Variants in PAX8 observed in about 807,000 individuals in gnomAD.
PAX8 encodes paired box protein Pax-8.
In PAX8, 15 loss-of-function variants were observed where a neutral mutation model predicts 52.4. The observed-to-expected ratio is 0.29, with a 90% CI of 0.19 to 0.44. The LOEUF (loss-of-function observed/expected upper bound fraction) is 0.44, where lower values mean the gene tolerates loss of function less well. PAX8 is among the 20% of genes least tolerant of loss of function. The pLI is 1.00. For missense variants in PAX8, 554 were observed against 602.5 expected, an observed-to-expected ratio of 0.92 and a Z score of 0.84; for synonymous variants, 284 against 249.7, an observed-to-expected ratio of 1.14 and a Z score of -1.29.
intron 2 of PAX8, among the ~76,000 whole-genome samples, chr2:113,264,500 C>G (rs528905770): frequency 6.6e-6 from 1 of 152,266 alleles, no homozygotes; most frequent in African/African-American, 2.4e-5. Flanking sequence ...TTGCATCAAC[C>G]AAGGAAGCAA....
intron 7 of PAX8, chr2:113,240,730 CTCAT>C (rs1216392737): frequency 2.6e-5 from 4 of 152,584 alleles, no homozygotes; most frequent in African/African-American, 9.7e-5. Context: ...GATTTCTCAA[CTCAT>C]TCATTTGTTC....
At chr2:113,276,977 G>T (rs879899285) in intron 2 of PAX8, among the ~76,000 whole-genome samples, 1 of 152,176 alleles carries the variant, frequency 6.6e-6, no homozygotes, top group Non-Finnish European at 1.5e-5. Flanking sequence ...AAAGATTAAG[G>T]GACTAAAACC....
rs1488059093 is a variant in PAX8 at position 113,242,768 on chromosome 2, T to C, written c.400A>G (p.Thr134Ala). 6.2e-7 allele frequency: 1 copy of C among 1,613,354 alleles called. No homozygotes were observed. The highest frequency in any genetic ancestry group is 8.5e-7 in the Non-Finnish European group (1 of 1,179,446). Residue 134 changes from threonine (T) to alanine (A), a missense_variant, in exon 5 of 12, where the codon ACC becomes GCC. Around this residue, in one of 2 missense-constraint regions of PAX8, gnomAD observed 109 missense variants for 192.7 expected, o/e 0.57. Transcript: ENST00000429538. ...SVSSINRIIR[T>A]KVQQPFNLPM... is the part of the protein sequence containing the mutation. ...AGGTTGAATGGTTGCTGCACTTTGG[T>C]CCGGATGATTCTGTGATGAAGAGAA...
At chr2:113,226,644 A>G (rs1689591801) in intron 10 of PAX8, 4 of 1,097,292 alleles carry the variant, frequency 3.6e-6, no homozygotes, top group South Asian at 2.7e-5. Flanking sequence ...TGTGAAGCAT[A>G]TATTTCATCA....
At chr2:113,261,278 C>T (rs767417771) in intron 2 of PAX8, among the ~76,000 whole-genome samples, 2 of 152,176 alleles carry the variant, frequency 1.3e-5, no homozygotes, top group Non-Finnish European at 2.9e-5. Flanking sequence ...GTTTTTTCAT[C>T]TGGCTTGACA....
chr2:113,245,466 C>G (rs1390737082), intron 3 of PAX8, among the ~76,000 whole-genome samples: 1 of 152,162 alleles, frequency 6.6e-6, no homozygotes, highest in Non-Finnish European at 1.5e-5. Context: ...TATCCCTCAC[C>G]CCCCTGGTCA....
intron 2 of PAX8, among the ~76,000 whole-genome samples, chr2:113,264,170 C>G (rs1286147382): frequency 6.6e-6 from 1 of 152,158 alleles, no homozygotes. Context: ...TAGGAAGGTC[C>G]CTTGTTGGTT....
intron 2 of PAX8, chr2:113,263,211 G>T (rs1358691270): frequency 1.3e-5 from 2 of 152,112 alleles, no homozygotes; most frequent in African/African-American, 4.8e-5. Context: ...TCATCATCTT[G>T]TTCTCCATTT....
At chr2:113,264,421 A>G (rs1053006358) in intron 2 of PAX8, among the ~76,000 whole-genome samples, 1 of 152,258 alleles carries the variant, frequency 6.6e-6, no homozygotes, top group African/African-American at 2.4e-5. Context: ...TAATATAGCA[A>G]TATCATGGGA....
chr2:113,235,648 G>T, intron 8 of PAX8, 66 bp from the exon 9 acceptor site: 1 of 1,365,558 alleles, frequency 7.3e-7, no homozygotes, highest in Non-Finnish European at 1.0e-6. Flanking sequence ...ACACGCACAA[G>T]CCAAGCCGTG....
intron 11 of PAX8, 112 bp downstream of exon 11, chr2:113,219,980 C>G (rs1239798825): frequency 4.2e-6 from 3 of 714,318 alleles, no homozygotes; most frequent in Non-Finnish European, 7.4e-6. Flanking sequence ...TCTCCCAGGC[C>G]CTCTGTATAA....
chr2:113,257,604 G>A (rs916865294), intron 2 of PAX8, among the ~76,000 whole-genome samples: 12 of 152,186 alleles, frequency 7.9e-5, no homozygotes, highest in Non-Finnish European at 1.6e-4. Flanking sequence ...AGGGGAGGGA[G>A]ATAGAGGATG....
At position 113,278,827 on chromosome 2, in the gene PAX8, A is replaced by C; in HGVS notation, c.-76+4T>G. On this transcript the variant is annotated splice_donor_region_variant and intron_variant, in intron 1 of 11. Coordinates refer to ENST00000429538, the MANE Select transcript of PAX8 (RefSeq NM_003466.4). ...AGCTTCCAGCTAACCCCTGGGTGAC[A>C]TACCTGGCCGGCCGGCTGCAGGCCC... is the stretch of plus-strand genomic sequence containing the variant. 9.4e-7 allele frequency: 1 copy of C among 1,069,390 alleles called. No homozygotes were observed. The highest frequency in any genetic ancestry group is 5.1e-5 in the Admixed American group (1 of 19,672). 66.2% of individuals were successfully genotyped at this position (1,069,390 alleles called of 1,614,324 possible).
chr2:113,232,549 T>C (rs1463661089), intron 9 of PAX8, among the ~76,000 whole-genome samples: 1 of 152,240 alleles, frequency 6.6e-6, no homozygotes, highest in Non-Finnish European at 1.5e-5. Context: ...ACCTGGTGTC[T>C]GCTGCCAGCT....
At chr2:113,278,115 G>A (rs1002029122) in intron 2 of PAX8, among the ~76,000 whole-genome samples, 1 of 152,220 alleles carries the variant, frequency 6.6e-6, no homozygotes, top group African/African-American at 2.4e-5. Context: ...TAACTCCACA[G>A]AGATCCCCTC....
intron 3 of PAX8, among the ~76,000 whole-genome samples, 155 bp from the exon 4 acceptor site, chr2:113,244,779 T>C (rs1691170410): frequency 6.6e-6 from 1 of 152,174 alleles, no homozygotes; most frequent in Non-Finnish European, 1.5e-5. Context: ...TTGATGTGCA[T>C]GGAACTATCT....
At position 113,264,029 on chromosome 2, in the gene PAX8, G is replaced by A. The variant is rs1176109585; in HGVS notation, c.25+14341C>T. Among the ~76,000 whole-genome samples, 9 of 152,226 alleles carry A rather than the reference G, an allele frequency of 5.9e-5. No homozygotes were observed. In the South Asian group the frequency reaches 1.9e-3, roughly 31 times the overall value. ...GAAGCACTTAGTATATGTCTACTATGTGCTAGATATTGTTTGGAGCTGTAT... is the reference window on the plus strand; with the variant it reads ...GAAGCACTTAGTATATGTCTACTATATGCTAGATATTGTTTGGAGCTGTAT... On this transcript the variant is annotated intron_variant, in intron 2 of 11. Transcript: ENST00000429538.
At chr2:113,235,674 G>A in intron 8 of PAX8, 92 bp from the exon 9 acceptor site, 1 of 1,092,544 alleles carries the variant, frequency 9.2e-7, no homozygotes, top group Non-Finnish European at 1.3e-6. Flanking sequence ...TGGAGGGTGC[G>A]GGCGGGGCGC....
chr2:113,271,013 A>C (rs1173250210), intron 2 of PAX8: 1 of 152,224 alleles, frequency 6.6e-6, no homozygotes. Flanking sequence ...CCTTTCTTTC[A>C]AGCTAACGTT....
Sources: gnomAD v4.1 joint callset for allele counts (sites outside exome capture counted in the v4.1 genomes callset) on GRCh38, gnomAD v4.1.1 for gene constraint, gnomAD v4.1.1 regional missense constraint, MANE v1.5 for transcripts, NCBI Gene and HGNC (gene_info 2026-07-23, HGNC 2026-07-21) for gene names.